APOB: variants seen among roughly 807,000 people sequenced by gnomAD.
The protein encoded by APOB is apolipoprotein B-100.
In APOB, 153 loss-of-function variants were observed where a neutral mutation model predicts 314.1. The ratio of observed to expected loss-of-function variants is 0.49; its 90% CI spans 0.43 to 0.56. The LOEUF is 0.56. Among genes scored for constraint, APOB ranks in the 20% least tolerant of loss-of-function variants. APOB has a pLI of 0.00. For missense variants in APOB, 5,430 were observed against 5,350.7 expected (o/e 1.01, Z -0.46); for synonymous variants, 2,087 against 2,036.4 (o/e 1.02, Z -0.67).
Position 21,043,864 on chromosome 2 carries a change from C to G in APOB, c.82G>C (p.Glu28Gln), listed in dbSNP as rs1264357217. ...GCCCGCAGAGCGGCCGCGCACTCAC[C>G]GGCCCTGGCGCCCGCCAGCAGCAGC... ...LLLLLAGARA[E>Q]EEMLENVSLV... Residue 28 changes from glutamate to glutamine, a missense_variant and splice_region_variant, in exon 1 of 29, where the codon GAA (glutamate) becomes CAA (glutamine). Glu to Gln is a conservative substitution (Grantham distance 29). Around this residue, in one of 3 missense-constraint regions of APOB, gnomAD observed 2,085 missense variants for 2,079.7 expected, o/e 1.00. Coordinates refer to ENST00000233242, the MANE Select transcript of APOB (RefSeq NM_000384.3). 6 of 1,500,644 alleles carry G rather than the reference C, an allele frequency of 4.0e-6. No homozygotes were observed. Among genetic ancestry groups the G allele is most frequent in the Middle Eastern group, 2.2e-4 (1 of 4,622 alleles). The allele number at this position is 1,500,644 out of a possible 1,614,324, so 93.0% of individuals were successfully genotyped here. A position where few individuals can be genotyped will look rare whatever the true frequency, so the allele number is the denominator to read the frequency against.
At position 21,040,967 on chromosome 2, in the gene APOB, G is replaced by A. The variant is rs781633079; in HGVS notation, c.354C>T (p.Asn118=). ...EGKALLKKTK[N]SEEFAAAMSR... ...ACATGGCTGCAGCAAACTCCTCAGA[G>A]TTCTTGGTTTTCTTCAGCAAGGCTT... is the stretch of plus-strand genomic sequence containing the variant. The change falls in exon 4 of 29, where the codon AAC becomes AAT. Residue 118 remains asparagine, a synonymous_variant. Coordinates refer to ENST00000233242, the MANE Select transcript of APOB (RefSeq NM_000384.3). 6.2e-7 allele frequency: 1 copy of A among 1,614,104 alleles called. No individual in the cohort carries two copies.
In APOB at chr2:21,008,149, G is replaced by A. The variant is rs745741960; in HGVS notation, c.8719C>T (p.Arg2907Cys). The A allele has an allele frequency of 3.0e-5, 49 of 1,613,888 alleles. 1 individual carries two copies. The South Asian group carries it at 3.8e-4, about 13-fold the overall frequency. The change falls in exon 26 of 29, where the codon CGC (arginine) becomes TGC (cysteine). Residue 2907 changes from arginine (R) to cysteine (C), a missense_variant. By Grantham distance (180) the Arg-to-Cys change is radical. This residue lies in a region of APOB where 3,281 missense variants were observed against 3,171.0 expected (regional missense o/e 1.03). Transcript: ENST00000233242. Reference protein sequence around the residue: ...KLDFSSQADLRNEIKTLLKAG... With the variant: ...KLDFSSQADLCNEIKTLLKAG... ...TTCAACAGTGTCTTGATCTCGTTGC[G>A]CAGGTCAGCCTGACTAGAGAAGTCC... is the stretch of plus-strand genomic sequence containing the variant.
intron 6 of APOB, 83 bp from the exon 7 acceptor site, chr2:21,035,791 C>T (rs1265141686): frequency 1.4e-6 from 2 of 1,383,616 alleles, no homozygotes; most frequent in East Asian, 2.3e-5. Context: ...TAGAAGGGAG[C>T]AGGAGTCCTG....
At chr2:21,036,037 A>T (rs924138391) in intron 6 of APOB, among the ~76,000 whole-genome samples, 2 of 152,082 alleles carry the variant, frequency 1.3e-5, no homozygotes, top group Non-Finnish European at 1.5e-5. Flanking sequence ...TGTCTCTTTC[A>T]TTTACATATT....
At chr2:21,042,613 T>C (rs1010961566) in intron 2 of APOB, 137 bp from the exon 3 acceptor site, 13 of 721,058 alleles carry the variant, frequency 1.8e-5, no homozygotes, top group Admixed American at 1.2e-4. Context: ...ATTGACTTTA[T>C]ACTTAATTTT....
rs1159073410 is a variant in APOB at position 21,041,035 on chromosome 2, G to C, written c.286C>G (p.Gln96Glu). 1 of 1,613,248 alleles carries C rather than the reference G, an allele frequency of 6.2e-7. No homozygotes were observed. The highest frequency in any genetic ancestry group is 8.5e-7 in the Non-Finnish European group (1 of 1,179,896). ...QLCSFILKTS[Q>E]CTLKEVYGFN... ...CCATACACCTCTTTCAGGGTGCACTGGCTGGTCTTCAGGATGAAGCTGCAG... is the reference window on the plus strand; with the variant it reads ...CCATACACCTCTTTCAGGGTGCACTCGCTGGTCTTCAGGATGAAGCTGCAG... Residue 96 changes from glutamine (Q) to glutamate (E), a missense_variant, in exon 4 of 29, where the codon CAG becomes GAG. Around this residue, in one of 3 missense-constraint regions of APOB, gnomAD observed 2,085 missense variants for 2,079.7 expected, o/e 1.00. Coordinates refer to ENST00000233242, the MANE Select transcript of APOB (RefSeq NM_000384.3).
intron 2 of APOB, among the ~76,000 whole-genome samples, chr2:21,042,804 T>C (rs925264596): frequency 1.3e-5 from 2 of 151,668 alleles, no homozygotes; most frequent in African/African-American, 4.8e-5. Context: ...ATTACGCAAA[T>C]AGTACTATCT....
chr2:21,017,138 A>AT (rs1663499341), intron 20 of APOB, among the ~76,000 whole-genome samples: 1 of 147,622 alleles, frequency 6.8e-6, no homozygotes, highest in Non-Finnish European at 1.5e-5. Context: ...GATTTTACTG[A>AT]ATTTTTTTTT....
rs760171163 is a variant in APOB, at chr2:21,012,076, G to A, written c.4792C>T (p.Leu1598=). ...TAATCAGCCTGATATTCAGAACGCA[G>A]CAGTGCATTTTGCTTAGAGAAGGTC... is the stretch of plus-strand genomic sequence containing the variant. ...DMTFSKQNAL[L]RSEYQADYES... Residue 1598 remains leucine (L), a synonymous_variant, in exon 26 of 29, where the codon CTG becomes TTG. Transcript: ENST00000233242. 8 of 1,614,174 alleles carry A rather than the reference G, an allele frequency of 5.0e-6. No individual in the cohort carries two copies. Among genetic ancestry groups the A allele is most frequent in the Non-Finnish European group, 5.9e-6 (7 of 1,180,016 alleles).
Position 21,006,384 on chromosome 2 carries a change from G to T in APOB, c.10484C>A (p.Ser3495Tyr). 6.2e-7 allele frequency: 1 copy of T among 1,614,020 alleles called. No individual in the cohort carries two copies. Among genetic ancestry groups the T allele is most frequent in the African/African-American group, 1.3e-5 (1 of 75,018 alleles). Residue 3495 changes from serine (S) to tyrosine (Y), a missense_variant, in exon 26 of 29, where the codon TCT becomes TAT. Coordinates refer to ENST00000233242, the MANE Select transcript of APOB (RefSeq NM_000384.3). ...SLTSYFSIES[S>Y]TKGDVKGSVL... is the part of the protein sequence containing the mutation. ...CGAACCCTTGACATCTCCTTTGGTA[G>T]ATGACTCAATGGAAAAGTAAGAGGT...
intron 18 of APOB, among the ~76,000 whole-genome samples, 181 bp from the exon 19 acceptor site, chr2:21,020,086 T>C (rs566296849): frequency 1.3e-5 from 2 of 152,184 alleles, no homozygotes; most frequent in Non-Finnish European, 2.9e-5. Context: ...TGACAAGCCA[T>C]GAGAGTGACT....
In APOB at chr2:21,019,036, T is replaced by C. The variant is rs1223104391; in HGVS notation, c.3077A>G (p.Asp1026Gly). The C allele has an allele frequency of 3.1e-6, 5 of 1,614,056 alleles. No homozygotes were observed. The highest frequency in any genetic ancestry group is 2.2e-5 in the East Asian group (1 of 44,846). ...CTTCAGGGTATCCACCAAGGCTCTG[T>C]CCTCTCTCTGGAGCTCATAGGTTGC... ...VSATYELQRE[D>G]RALVDTLKFV... Residue 1026 changes from aspartate to glycine, a missense_variant, in exon 20 of 29, where the codon GAC becomes GGC. Coordinates refer to ENST00000233242, the MANE Select transcript of APOB (RefSeq NM_000384.3).
intron 1 of APOB, 59 bp from the exon 2 acceptor site, chr2:21,043,610 G>GC: frequency 6.4e-7 from 1 of 1,561,546 alleles, no homozygotes; most frequent in South Asian, 1.2e-5. Context: ...GGGTGCTAGG[G>GC]CCCGACAGGG....
chr2:21,029,805 C>T lies in APOB; in HGVS notation c.1471-20G>A. The T allele has an allele frequency of 1.9e-6, 3 of 1,613,922 alleles. No homozygotes were observed. Among genetic ancestry groups the T allele is most frequent in the Middle Eastern group, 1.6e-4 (1 of 6,062 alleles). ...AATGACCTGCATTGAAGAAAAGAAA[C>T]AAGAACCCATCAGGGTGCAGGAGAG... On this transcript the variant is annotated intron_variant, in intron 11 of 28. Transcript: ENST00000233242.
intron 7 of APOB, 49 bp downstream of exon 7, chr2:21,035,535 T>A (rs1663980691): frequency 6.2e-7 from 1 of 1,609,324 alleles, no homozygotes; most frequent in African/African-American, 1.3e-5. Flanking sequence ...AGTGTTCAGT[T>A]CACACTGACC....
At chr2:21,025,237 G>A in intron 15 of APOB, 113 bp from the exon 16 acceptor site, 1 of 1,033,482 alleles carries the variant, frequency 9.7e-7, no homozygotes, top group Non-Finnish European at 1.5e-6. Flanking sequence ...AAATGCTCCA[G>A]GTGAGGAACA....
intron 27 of APOB, 23 bp from the exon 28 acceptor site, chr2:21,004,475 GCTATCACGA>G: frequency 6.2e-7 from 1 of 1,613,864 alleles, no homozygotes; most frequent in Non-Finnish European, 8.5e-7. Context: ...AAACAGATGA[GCTATCACGA>G]AAGGGGTATG....
intron 3 of APOB, among the ~76,000 whole-genome samples, chr2:21,041,408 G>T (rs550770558): frequency 6.6e-6 from 1 of 152,192 alleles, no homozygotes; most frequent in African/African-American, 2.4e-5. Context: ...AAATAGAAGC[G>T]CTGCAGACTA....
chr2:21,043,539 A>C lies in APOB; in HGVS notation c.95T>G (p.Leu32Arg), dbSNP rs1350695060. The change falls in exon 2 of 29, where the codon CTG (leucine) becomes CGG (arginine). Residue 32 changes from leucine to arginine, a missense_variant. Leu to Arg is a moderately radical substitution (Grantham distance 102). Around this residue, in one of 3 missense-constraint regions of APOB, gnomAD observed 2,085 missense variants for 2,079.7 expected, o/e 1.00. Transcript: ENST00000233242. ...LAGARAEEEM[L>R]ENVSLVCPKD... ...TGGACAGACCAGGCTGACATTTTCC[A>C]GCATTTCCTCTTCTGTAAGACAGGA... is the stretch of plus-strand genomic sequence containing the variant. 2.5e-6 allele frequency: 4 copies of C among 1,604,756 alleles called. No homozygotes were observed. Among genetic ancestry groups the C allele is most frequent in the Non-Finnish European group, 3.4e-6 (4 of 1,175,842 alleles).
Sources: allele counts gnomAD v4.1 joint callset (sites outside exome capture counted in the v4.1 genomes callset), GRCh38; gene constraint gnomAD v4.1.1; regional missense constraint gnomAD v4.1.1; transcripts MANE v1.5; gene names NCBI Gene and HGNC (gene_info 2026-07-23, HGNC 2026-07-21).